Variants in CLMN observed in about 807,000 individuals in gnomAD.
CLMN encodes the protein calmin (calponin-like, transmembrane).
A neutral mutation model predicts 92.7 loss-of-function variants in CLMN; 57 were observed. That is an observed-to-expected ratio of 0.61 (90% CI 0.50 to 0.77). CLMN has a LOEUF of 0.77. CLMN is among the 30% of genes least tolerant of loss of function. The probability of loss-of-function intolerance (pLI) is 0.00; values close to 1 mark genes in which losing one functional copy is unlikely to be tolerated. For synonymous variants in CLMN, 466 were observed against 470.6 expected, an observed-to-expected ratio of 0.99 and a Z score of 0.13; for missense variants, 1,158 against 1,237.5, an observed-to-expected ratio of 0.94 and a Z score of 0.96.
At position 95,255,865 on chromosome 14, in the gene CLMN, T is replaced by C. The variant is rs535528907; in HGVS notation, c.83-25732A>G. ...GAAGTTTTTGAGTGCTGCACTCCAG[T>C]GTTATTTTCCCTTATTTTTGTGCAT... is the stretch of plus-strand genomic sequence containing the variant. On this transcript the variant is annotated intron_variant, in intron 1 of 12. Coordinates refer to ENST00000298912, the MANE Select transcript of CLMN (RefSeq NM_024734.4). Among the ~76,000 whole-genome samples the C allele has an allele frequency of 8.5e-4, 130 of 152,236 alleles. 1 individual carries two copies. The highest frequency in any genetic ancestry group is 3.0e-3 in the African/African-American group (123 of 41,540).
chr14:95,232,279 C>T (rs1041804742), intron 1 of CLMN, among the ~76,000 whole-genome samples: 4 of 152,240 alleles, frequency 2.6e-5, no homozygotes, highest in African/African-American at 7.2e-5. Flanking sequence ...CTGAGCCAGA[C>T]GGCTCCTCAG....
At chr14:95,292,297 G>A (rs563764805) in intron 1 of CLMN, among the ~76,000 whole-genome samples, 1 of 152,250 alleles carries the variant, frequency 6.6e-6, no homozygotes, top group South Asian at 2.1e-4. Context: ...TTTATACAGT[G>A]GACATGTACT....
At position 95,228,281 on chromosome 14, in the gene CLMN, G is replaced by A. The variant is rs1897773836; in HGVS notation, c.144+1791C>T. Among the ~76,000 whole-genome samples the A allele has an allele frequency of 2.0e-5, 3 of 152,292 alleles. No homozygotes were observed. In the South Asian group the frequency reaches 6.2e-4, roughly 32 times the overall value. Reference sequence around the variant, plus strand: ...TTAAGAGTTCAGTGATCTCAGGTTTGGGGACAAGTTTTCCTTTTGCTTTTT... The same window carrying A: ...TTAAGAGTTCAGTGATCTCAGGTTTAGGGACAAGTTTTCCTTTTGCTTTTT... On this transcript the variant is annotated intron_variant, in intron 2 of 12. Coordinates refer to ENST00000298912, the MANE Select transcript of CLMN (RefSeq NM_024734.4).
At chr14:95,196,748 T>C (rs1896727129) in intron 9 of CLMN, 54 bp from the exon 10 acceptor site, 1 of 1,552,778 alleles carries the variant, frequency 6.4e-7, no homozygotes, top group East Asian at 2.2e-5. Flanking sequence ...CAGTGTAAAG[T>C]AGGTGACATC....
intron 1 of CLMN, among the ~76,000 whole-genome samples, chr14:95,297,328 C>T (rs570689416): frequency 1.3e-5 from 2 of 152,332 alleles, no homozygotes; most frequent in South Asian, 2.1e-4. Flanking sequence ...AGGAGATTCC[C>T]AGCTCGCTAG....
chr14:95,191,983 C>T lies in CLMN; in HGVS notation c.2841-251G>A, dbSNP rs779269322. 1.1e-5 allele frequency: 4 copies of T among 365,868 alleles called. No individual in the cohort carries two copies. The highest frequency in any genetic ancestry group is 2.0e-5 in the Non-Finnish European group (4 of 203,446). The allele number at this position is 365,868 out of a possible 1,614,324, so 22.7% of individuals were successfully genotyped here. ...CATAACATCAGGTGAGAGGAGGTGG[C>T]AGCCCCATTCTGCAGATGGACACAC... On this transcript the variant is annotated intron_variant, in intron 12 of 12. Transcript: ENST00000298912. This position sits in a 1 kb window ranked among gnomAD's most constrained non-coding sequence, Gnocchi z 5.3.
intron 1 of CLMN, among the ~76,000 whole-genome samples, chr14:95,265,464 T>C (rs1056713999): frequency 5.9e-5 from 9 of 152,300 alleles, no homozygotes; most frequent in African/African-American, 1.2e-4. Context: ...AACTCCACAA[T>C]TGCATAAACC....
intron 8 of CLMN, among the ~76,000 whole-genome samples, chr14:95,205,574 T>C (rs1239331030): frequency 6.6e-6 from 1 of 152,210 alleles, no homozygotes; most frequent in Non-Finnish European, 1.5e-5. Flanking sequence ...GCCTACTAGC[T>C]ATTTAAAGCA....
Position 95,209,377 on chromosome 14 carries a change from T to A in CLMN, c.885+18A>T. 7 of 1,612,222 alleles carry A rather than the reference T, an allele frequency of 4.3e-6. No homozygotes were observed. The highest frequency in any genetic ancestry group is 5.9e-6 in the Non-Finnish European group (7 of 1,178,366). ...AAATGTATGGTGTCGGAATTAAAGG[T>A]AAGAAAAGCAAACATACGGCTTCCA... On this transcript the variant is annotated intron_variant, in intron 8 of 12. Coordinates refer to ENST00000298912, the MANE Select transcript of CLMN (RefSeq NM_024734.4).
chr14:95,314,160 T>A (rs1901661013), intron 1 of CLMN, among the ~76,000 whole-genome samples: 1 of 152,222 alleles, frequency 6.6e-6, no homozygotes, highest in South Asian at 2.1e-4. Flanking sequence ...GGTACAAACA[T>A]GCCTGGGTGG....
chr14:95,312,075 T>G (rs1490678447), intron 1 of CLMN, among the ~76,000 whole-genome samples: 1 of 151,986 alleles, frequency 6.6e-6, no homozygotes, highest in African/African-American at 2.4e-5. Flanking sequence ...TCCACCAAAC[T>G]CACAGAGAAA....
At chr14:95,234,361 C>G (rs559312064) in intron 1 of CLMN, among the ~76,000 whole-genome samples, 6 of 152,302 alleles carry the variant, frequency 3.9e-5, no homozygotes, top group East Asian at 3.9e-4. Context: ...TGGCCTTCTC[C>G]GCTTTGAGAC....
rs116654346 is a variant in CLMN at position 95,304,969 on chromosome 14, C to T, written c.82+14742G>A. ...CAGTCAGGAAGGACACCCATGTACT[C>T]GGAACCTGCAGAATGCTTATTAGTC... On this transcript the variant is annotated intron_variant, in intron 1 of 12. Coordinates refer to ENST00000298912, the MANE Select transcript of CLMN (RefSeq NM_024734.4). 7.8e-3 allele frequency among the ~76,000 whole-genome samples: 1,189 copies of T among 152,248 alleles called. 15 individuals carry two copies. The highest frequency in any genetic ancestry group is 0.027 in the African/African-American group (1,132 of 41,540).
intron 1 of CLMN, among the ~76,000 whole-genome samples, chr14:95,247,837 G>A (rs187023621): frequency 1.3e-5 from 2 of 152,238 alleles, no homozygotes; most frequent in African/African-American, 4.8e-5. Context: ...GTGGACTGGA[G>A]AGCAAAGACT....
At position 95,203,545 on chromosome 14, in the gene CLMN, C is replaced by G; in HGVS notation, c.1804G>C (p.Ala602Pro). The change falls in exon 9 of 13, where the codon GCT becomes CCT. Residue 602 changes from alanine (A) to proline (P), a missense_variant. Coordinates refer to ENST00000298912, the MANE Select transcript of CLMN (RefSeq NM_024734.4). ...ATACTCCTTTTACCTAGTTTTTCAGCATGATTCTCAAAAGCCTCAGCATCC... is the reference window on the plus strand; with the variant it reads ...ATACTCCTTTTACCTAGTTTTTCAGGATGATTCTCAAAAGCCTCAGCATCC... ...DEDAEAFENH[A>P]EKLGKRSIKS... The G allele has an allele frequency of 6.2e-7, 1 of 1,614,168 alleles. No individual in the cohort carries two copies. Among genetic ancestry groups the G allele is most frequent in the Admixed American group, 1.7e-5 (1 of 60,022 alleles).
At chr14:95,235,691 A>C (rs1387415620) in intron 1 of CLMN, among the ~76,000 whole-genome samples, 1 of 152,090 alleles carries the variant, frequency 6.6e-6, no homozygotes, top group African/African-American at 2.4e-5. Flanking sequence ...TTCTCATGAG[A>C]GGTGTTTTGC....
rs147660734 is a variant in CLMN, at chr14:95,215,286, G to A, written c.417+355C>T. 9.5e-3 allele frequency among the ~76,000 whole-genome samples: 1,452 copies of A among 152,214 alleles called. 12 individuals are homozygous for A. Among genetic ancestry groups the A allele is most frequent in the South Asian group, 0.032 (155 of 4,812 alleles). On this transcript the variant is annotated intron_variant, in intron 5 of 12. Transcript: ENST00000298912. The stretch of plus-strand genomic sequence containing the variant: ...GTGCAAGCTCTTTAATCACCTCTAA[G>A]GAACACTGAGTGATTTCAGGAAAGT...
intron 1 of CLMN, among the ~76,000 whole-genome samples, chr14:95,284,712 G>A (rs1259294297): frequency 3.3e-5 from 5 of 152,042 alleles, no homozygotes; most frequent in African/African-American, 9.7e-5. Context: ...TTGAATGGCT[G>A]TATTTACCCA....
chr14:95,317,270 T>C (rs956345406), intron 1 of CLMN, among the ~76,000 whole-genome samples: 1 of 151,972 alleles, frequency 6.6e-6, no homozygotes, highest in African/African-American at 2.4e-5. Flanking sequence ...AAGCATTCAG[T>C]CAAGAGACTG....
Sources: allele counts gnomAD v4.1 joint callset (sites outside exome capture counted in the v4.1 genomes callset), GRCh38; gene constraint gnomAD v4.1.1; non-coding constraint Gnocchi (gnomAD v3.1); transcripts MANE v1.5; gene names NCBI Gene and HGNC (gene_info 2026-07-23, HGNC 2026-07-21).